The following TNS3 variants were observed in gnomAD, a reference collection of about 807,000 sequenced individuals.
The protein encoded by TNS3 is tensin-3.
TNS3 carries 45 observed loss-of-function variants against 140.9 expected under a neutral mutation model. The observed-to-expected ratio is 0.32, with a 90% CI of 0.25 to 0.41. The LOEUF (loss-of-function observed/expected upper bound fraction) is 0.41, where lower values mean the gene tolerates loss of function less well. TNS3 is among the 10% of genes least tolerant of loss of function. TNS3 has a pLI of 1.00. For synonymous variants in TNS3, 815 were observed against 788.4 expected, an observed-to-expected ratio of 1.03 and a Z score of -0.56; for missense variants, 1,716 against 1,906.7, an observed-to-expected ratio of 0.90 and a Z score of 1.86.
chr7:47,306,637 T>C (rs2150738070), intron 20 of TNS3, among the ~76,000 whole-genome samples: 1 of 152,226 alleles, frequency 6.6e-6, no homozygotes, highest in Middle Eastern at 3.4e-3. Context: ...TGCAGTGGCG[T>C]GATCTCGACT....
intron 26 of TNS3, among the ~76,000 whole-genome samples, chr7:47,292,285 T>G (rs1482976218): frequency 2.0e-5 from 3 of 152,212 alleles, no homozygotes; most frequent in Admixed American, 2.0e-4. Context: ...CAATGACACT[T>G]TGAAAAGTAA....
chr7:47,558,591 A>G (rs1800256581), intron 1 of TNS3, among the ~76,000 whole-genome samples: 1 of 152,040 alleles, frequency 6.6e-6, no homozygotes, highest in South Asian at 2.1e-4. Context: ...CCCATCACCT[A>G]CTTGCAAATT....
At chr7:47,339,429 G>C (rs910100196) in intron 20 of TNS3, among the ~76,000 whole-genome samples, 6 of 152,082 alleles carry the variant, frequency 3.9e-5, no homozygotes, top group African/African-American at 1.2e-4. Context: ...AGGTGCCCCC[G>C]CATCATTTGT....
intron 1 of TNS3, chr7:47,539,367 G>A (rs537176693): frequency 1.5e-5 from 5 of 338,770 alleles, no homozygotes; most frequent in African/African-American, 6.4e-5. Flanking sequence ...AATATCGTGC[G>A]TGTGATAAAC....
chr7:47,497,377 T>G (rs1185021307), intron 3 of TNS3, among the ~76,000 whole-genome samples: 1 of 152,170 alleles, frequency 6.6e-6, no homozygotes, highest in African/African-American at 2.4e-5. Flanking sequence ...CCAGGCCCTG[T>G]GCTTGGGGAG....
rs190684479 is a variant in TNS3, at chr7:47,327,520, T to C, written c.2650+17235A>G. On this transcript the variant is annotated intron_variant, in intron 20 of 30. Coordinates refer to ENST00000311160, the MANE Select transcript of TNS3 (RefSeq NM_022748.12). ...ACTGGGGTGGGGGCGGTGACAGCCC[T>C]GGAATGGGGCAGGCTCGCTTTATCA... is the stretch of plus-strand genomic sequence containing the variant. 6.3e-4 allele frequency among the ~76,000 whole-genome samples: 96 copies of C among 152,310 alleles called. No individual in the cohort carries two copies. The East Asian group carries it at 0.015, about 24-fold the overall frequency.
At chr7:47,424,244 T>G (rs834599) in intron 9 of TNS3, 60 bp from the exon 10 acceptor site, 654,017 of 1,561,108 alleles carry the variant, frequency 0.42, 137,895 homozygotes, top group Non-Finnish European at 0.43. Flanking sequence ...ACGTGGGTAC[T>G]TGACGGGGGA....
intron 20 of TNS3, among the ~76,000 whole-genome samples, chr7:47,307,083 G>A (rs1011626261): frequency 4.6e-5 from 7 of 151,978 alleles, no homozygotes; most frequent in Non-Finnish European, 7.4e-5. Flanking sequence ...TAAATAATTC[G>A]GTCAGTTTGT....
At chr7:47,330,605 G>A (rs1193538891) in intron 20 of TNS3, among the ~76,000 whole-genome samples, 4 of 152,040 alleles carry the variant, frequency 2.6e-5, no homozygotes, top group Admixed American at 6.5e-5. Flanking sequence ...AAAGGACGGA[G>A]GGAAGGTGAA....
At chr7:47,564,143 G>A (rs1013522546) in intron 1 of TNS3, among the ~76,000 whole-genome samples, 1 of 137,494 alleles carries the variant, frequency 7.3e-6, no homozygotes, top group African/African-American at 2.7e-5. Context: ...GCAGTGAGCC[G>A]AGATCACACC....
intron 20 of TNS3, among the ~76,000 whole-genome samples, chr7:47,316,973 G>A (rs1423426598): frequency 6.6e-6 from 1 of 152,062 alleles, no homozygotes; most frequent in East Asian, 1.9e-4. Flanking sequence ...AAGTCCTACA[G>A]ATACAAACAA....
At position 47,310,922 on chromosome 7, in the gene TNS3, G is replaced by A. The variant is rs190621794; in HGVS notation, c.2651-5919C>T. ...ACTCATTCTTTTTTATGGCTGCATA[G>A]TATTCCATGGTGTATATGTGCCACA... On this transcript the variant is annotated intron_variant, in intron 20 of 30. Coordinates refer to ENST00000311160, the MANE Select transcript of TNS3 (RefSeq NM_022748.12). Among the ~76,000 whole-genome samples, 66 of 152,294 alleles carry A rather than the reference G, an allele frequency of 4.3e-4. No individual in the cohort carries two copies. The East Asian group carries it at 0.012, about 27-fold the overall frequency.
intron 4 of TNS3, among the ~76,000 whole-genome samples, chr7:47,453,934 T>A (rs974822212): frequency 5.9e-5 from 9 of 152,258 alleles, no homozygotes; most frequent in Admixed American, 2.6e-4. Flanking sequence ...CATGACTACA[T>A]GGTCAGTCAC....
chr7:47,305,151 C>T (rs1440764461), intron 20 of TNS3, 148 bp from the exon 21 acceptor site: 2 of 555,876 alleles, frequency 3.6e-6, no homozygotes, highest in South Asian at 1.9e-4. Flanking sequence ...ACATCACTAC[C>T]CGTAATAGGC....
chr7:47,327,964 C>T (rs762118939), intron 20 of TNS3, among the ~76,000 whole-genome samples: 14 of 151,864 alleles, frequency 9.2e-5, no homozygotes, highest in Admixed American at 2.0e-4. Context: ...AGCAATGAGT[C>T]CCAATGTACA....
chr7:47,511,216 C>T (rs576588968), intron 2 of TNS3, among the ~76,000 whole-genome samples: 2 of 152,262 alleles, frequency 1.3e-5, no homozygotes, highest in East Asian at 1.9e-4. Flanking sequence ...AATGAAATAG[C>T]TACAATGGCC....
chr7:47,309,373 T>A (rs1786947070), intron 20 of TNS3, among the ~76,000 whole-genome samples: 1 of 152,006 alleles, frequency 6.6e-6, no homozygotes, highest in African/African-American at 2.4e-5. Flanking sequence ...CCCCAAGACT[T>A]AAGAGTATTT....
Position 47,415,149 on chromosome 7 carries a change from G to C in TNS3, c.531C>G (p.Pro177=), listed in dbSNP as rs554025991. The C allele has an allele frequency of 6.2e-7, 1 of 1,611,766 alleles. No homozygotes were observed. Among genetic ancestry groups the C allele is most frequent in the Non-Finnish European group, 8.5e-7 (1 of 1,179,148 alleles). Residue 177 remains proline (P), a synonymous_variant, in exon 11 of 31, where the codon CCC becomes CCG. Transcript: ENST00000311160. ...GGAGGATGACAAAATGCAGGAACAG[G>C]GGAGAGGCATTCATTTTCACCGATC... ...LSGSVKMNAS[P]LFLHFVILHG... is the part of the protein sequence containing the mutation.
intron 16 of TNS3, among the ~76,000 whole-genome samples, chr7:47,378,832 G>A (rs1791574158): frequency 6.6e-6 from 1 of 152,200 alleles, no homozygotes; most frequent in South Asian, 2.1e-4. Flanking sequence ...CCTCAGCAGT[G>A]AGAGAACATT....
Sources: allele counts gnomAD v4.1 joint callset (sites outside exome capture counted in the v4.1 genomes callset), GRCh38; gene constraint gnomAD v4.1.1; transcripts MANE v1.5; gene names NCBI Gene and HGNC (gene_info 2026-07-23, HGNC 2026-07-21).